Variants in ERC2 observed in about 807,000 individuals in gnomAD.
ERC2 encodes ELKS/RAB6-interacting/CAST family member 2.
A neutral mutation model predicts 114.8 loss-of-function variants in ERC2; 42 were observed. The observed-to-expected ratio is 0.37, with a 90% CI of 0.29 to 0.47. ERC2 has a LOEUF of 0.47. Ranked by LOEUF, ERC2 falls within the 20% of genes least tolerant of loss-of-function variation. The pLI, the probability that ERC2 is intolerant of heterozygous loss-of-function variation, is 0.99. For missense variants in ERC2, 939 were observed against 1,150.7 expected (o/e 0.82, Z 2.66); for synonymous variants, 454 against 425.5 (o/e 1.07, Z -0.82).
At position 56,326,417 on chromosome 3, in the gene ERC2, G is replaced by C. The variant is rs142432288; in HGVS notation, c.658-29982C>G. Among the ~76,000 whole-genome samples the C allele has an allele frequency of 2.7e-3, 404 of 152,270 alleles. 3 individuals carry two copies. Among genetic ancestry groups the C allele is most frequent in the African/African-American group, 9.1e-3 (379 of 41,552 alleles). On this transcript the variant is annotated intron_variant, in intron 2 of 17. Transcript: ENST00000288221. The stretch of plus-strand genomic sequence containing the variant: ...TTTTTTTCTCAAGATAGTTTGAACA[G>C]TCTCAACCCACCCACCCAAACATAT...
chr3:55,597,518 T>C (rs751414636), intron 17 of ERC2, among the ~76,000 whole-genome samples: 18 of 152,096 alleles, frequency 1.2e-4, no homozygotes, highest in African/African-American at 2.4e-5. Context: ...CTGAGGCTTG[T>C]CTTGGTGTTA....
intron 3 of ERC2, chr3:56,185,144 G>C (rs932772551): frequency 2.8e-5 from 4 of 141,914 alleles, no homozygotes; most frequent in Admixed American, 7.2e-5. Context: ...CATCTCATCT[G>C]ATCTCAGAAG....
chr3:56,339,457 G>A (rs992016454), intron 2 of ERC2, among the ~76,000 whole-genome samples: 8 of 152,140 alleles, frequency 5.3e-5, no homozygotes, highest in Non-Finnish European at 7.4e-5. Context: ...GCTGAAGTGC[G>A]GTGTGGCTGG....
At chr3:55,782,610 C>A (rs546601050) in intron 14 of ERC2, among the ~76,000 whole-genome samples, 1 of 152,178 alleles carries the variant, frequency 6.6e-6, no homozygotes, top group South Asian at 2.1e-4. Flanking sequence ...GGGAACACAG[C>A]AGTAAGAAAA....
chr3:55,743,234 TGA>T (rs1311167219), intron 14 of ERC2, among the ~76,000 whole-genome samples: 11 of 152,220 alleles, frequency 7.2e-5, no homozygotes, highest in Non-Finnish European at 7.3e-5. Context: ...GCTCAGTGCA[TGA>T]GCCAGGGAGG....
intron 14 of ERC2, among the ~76,000 whole-genome samples, chr3:55,840,766 C>A (rs553917295): frequency 1.3e-5 from 2 of 152,116 alleles, no homozygotes; most frequent in East Asian, 3.9e-4. Flanking sequence ...AATGATATGC[C>A]AAACCTACTG....
chr3:55,621,475 T>G (rs1327690094), intron 17 of ERC2, among the ~76,000 whole-genome samples: 1 of 152,204 alleles, frequency 6.6e-6, no homozygotes, highest in Non-Finnish European at 1.5e-5. Context: ...ATCGCTTATC[T>G]ACTACTGTTC....
chr3:55,788,349 G>A lies in ERC2; in HGVS notation c.2565-53431C>T, dbSNP rs73831509. Among the ~76,000 whole-genome samples, 985 of 152,232 alleles carry A rather than the reference G, an allele frequency of 6.5e-3. 7 individuals are homozygous for A. The highest frequency in any genetic ancestry group is 0.023 in the African/African-American group (944 of 41,534). ...GGAGCCACTCTGCAAAGGGTATCTC[G>A]AGTCCTGGCCATGTGCTAGGAAAGG... On this transcript the variant is annotated intron_variant, in intron 14 of 17. Coordinates refer to ENST00000288221, the MANE Select transcript of ERC2 (RefSeq NM_015576.3).
chr3:55,692,502 G>A (rs1234917501), intron 16 of ERC2, among the ~76,000 whole-genome samples: 1 of 152,218 alleles, frequency 6.6e-6, no homozygotes, highest in African/African-American at 2.4e-5. Context: ...TTTAAGGAAT[G>A]CTCTTATAGG....
At chr3:56,014,039 C>A (rs895367991) in intron 8 of ERC2, among the ~76,000 whole-genome samples, 2 of 151,994 alleles carry the variant, frequency 1.3e-5, no homozygotes, top group Non-Finnish European at 2.9e-5. Flanking sequence ...GATTTTGGCA[C>A]CTTTAAAAAA....
At chr3:55,792,150 C>T (rs1369442396) in intron 14 of ERC2, among the ~76,000 whole-genome samples, 1 of 152,194 alleles carries the variant, frequency 6.6e-6, no homozygotes, top group Non-Finnish European at 1.5e-5. Context: ...GTACACAATG[C>T]ATAATTCATG....
chr3:56,024,939 T>C (rs1162326433), intron 7 of ERC2, among the ~76,000 whole-genome samples: 1 of 152,184 alleles, frequency 6.6e-6, no homozygotes, highest in Admixed American at 6.5e-5. Context: ...CATCCTAATA[T>C]GCAAGAACAT....
chr3:55,616,145 G>A (rs1253646559), intron 17 of ERC2, among the ~76,000 whole-genome samples: 2 of 152,164 alleles, frequency 1.3e-5, no homozygotes, highest in Non-Finnish European at 2.9e-5. Context: ...TTGTGCAGAC[G>A]CTGGCAAGAC....
intron 15 of ERC2, among the ~76,000 whole-genome samples, chr3:55,714,243 TA>T (rs2148865367): frequency 6.6e-6 from 1 of 152,310 alleles, no homozygotes; most frequent in East Asian, 1.9e-4. Flanking sequence ...TAAGTTGGCA[TA>T]AACTTTCTCA....
chr3:56,454,275 A>T (rs1420594173), intron 1 of ERC2, among the ~76,000 whole-genome samples: 1 of 152,204 alleles, frequency 6.6e-6, no homozygotes, highest in African/African-American at 2.4e-5. Context: ...ACTTAGGTTA[A>T]GATCTTGCAA....
chr3:56,310,622 T>C (rs1368617984), intron 2 of ERC2, among the ~76,000 whole-genome samples: 1 of 152,114 alleles, frequency 6.6e-6, no homozygotes, highest in East Asian at 1.9e-4. Flanking sequence ...TTTAAAGTTT[T>C]AAAGAGGAGA....
chr3:56,185,044 T>C (rs983487312), intron 3 of ERC2: 12 of 152,216 alleles, frequency 7.9e-5, no homozygotes, highest in African/African-American at 2.9e-4. Context: ...TGTGACAGCT[T>C]TCTAGTCCAA....
chr3:56,353,025 G>A (rs1560651642), intron 2 of ERC2, among the ~76,000 whole-genome samples: 1 of 152,158 alleles, frequency 6.6e-6, no homozygotes, highest in East Asian at 1.9e-4. Context: ...AAGTCACAGA[G>A]CCTGCCTCAG....
chr3:56,185,051 C>T (rs531604486), intron 3 of ERC2: 2 of 152,154 alleles, frequency 1.3e-5, no homozygotes, highest in Non-Finnish European at 2.9e-5. Flanking sequence ...GCTTTCTAGT[C>T]CAAAGTTTTT....
Sources: gnomAD v4.1 joint callset for allele counts (sites outside exome capture counted in the v4.1 genomes callset) on GRCh38, gnomAD v4.1.1 for gene constraint, MANE v1.5 for transcripts, NCBI Gene and HGNC (gene_info 2026-07-23, HGNC 2026-07-21) for gene names.